The following VPS50 variants were observed in gnomAD, a reference collection of about 807,000 sequenced individuals.
VPS50 encodes VPS50 subunit of EARP/GARPII complex.
In VPS50, 70 loss-of-function variants were observed where a neutral mutation model predicts 139.7. The observed-to-expected ratio is 0.50, with a 90% CI of 0.41 to 0.61. VPS50 has a LOEUF of 0.61. Among genes scored for constraint, VPS50 ranks in the 20% least tolerant of loss-of-function variants. The probability of loss-of-function intolerance (pLI) is 0.00; values close to 1 mark genes in which losing one functional copy is unlikely to be tolerated. For missense variants in VPS50, 921 were observed against 1,133.7 expected (o/e 0.81, Z 2.69); for synonymous variants, 365 against 376.7 (o/e 0.97, Z 0.36).
chr7:93,337,004 T>A lies in VPS50; in HGVS notation c.2058+2807T>A, dbSNP rs1798085843. On this transcript the variant is annotated intron_variant, in intron 22 of 27. Transcript: ENST00000305866. ...AAAGGGTTATATCCTTTACTTATTG[T>A]ACTCCTATAAACTGAAACAGCCAGT... Among the ~76,000 whole-genome samples, 11 of 152,358 alleles carry A rather than the reference T, an allele frequency of 7.2e-5. No homozygotes were observed. In the South Asian group the frequency reaches 2.3e-3, roughly 32 times the overall value.
intron 3 of VPS50, 28 bp from the exon 4 acceptor site, chr7:93,253,832 C>A: frequency 7.5e-7 from 1 of 1,334,206 alleles, no homozygotes; most frequent in Non-Finnish European, 1.1e-6. Context: ...TTATTTTTTC[C>A]TCTTCTTTCA....
intron 8 of VPS50, among the ~76,000 whole-genome samples, chr7:93,259,184 T>C (rs1172271820): frequency 3.3e-5 from 5 of 152,006 alleles, no homozygotes; most frequent in African/African-American, 1.2e-4. Context: ...ATAGAATGCA[T>C]ACTATTTTGA....
intron 2 of VPS50, chr7:93,245,973 T>A: frequency 4.7e-6 from 3 of 644,376 alleles, no homozygotes; most frequent in Non-Finnish European, 8.2e-6. Context: ...AGAGATAAAA[T>A]CTATTTCTGT....
At chr7:93,247,700 G>T (rs754830303) in intron 2 of VPS50, among the ~76,000 whole-genome samples, 5 of 151,778 alleles carry the variant, frequency 3.3e-5, no homozygotes, top group Admixed American at 6.6e-5. Flanking sequence ...ACTCATTTTC[G>T]TTCCTGTATG....
At chr7:93,278,781 T>C (rs1266294464) in intron 12 of VPS50, among the ~76,000 whole-genome samples, 2 of 143,944 alleles carry the variant, frequency 1.4e-5, no homozygotes, top group Admixed American at 6.9e-5. Context: ...TGATAGTAGG[T>C]GATATATATA....
chr7:93,296,909 A>G, intron 15 of VPS50, 73 bp downstream of exon 15: 1 of 1,494,566 alleles, frequency 6.7e-7, no homozygotes, highest in Non-Finnish European at 8.8e-7. Flanking sequence ...CTAGTGAGTT[A>G]TCATCTATAA....
At chr7:93,286,994 T>G (rs768572263) in intron 12 of VPS50, among the ~76,000 whole-genome samples, 83 of 81,916 alleles carry the variant, frequency 1.0e-3, no homozygotes, top group Middle Eastern at 4.9e-3. Context: ...GAAAACGTTG[T>G]TTTTTTTTTT....
chr7:93,356,813 G>A (rs1798720806), intron 27 of VPS50, among the ~76,000 whole-genome samples: 1 of 152,046 alleles, frequency 6.6e-6, no homozygotes, highest in Non-Finnish European at 1.5e-5. Context: ...TGAATGTCAT[G>A]GGTAAAAGCT....
intron 18 of VPS50, among the ~76,000 whole-genome samples, chr7:93,307,388 C>G (rs1336082883): frequency 4.6e-5 from 7 of 151,826 alleles, no homozygotes; most frequent in African/African-American, 1.5e-4. Flanking sequence ...AAATCACCAA[C>G]AAAAAGCACA....
chr7:93,355,365 C>T (rs1036185509), intron 26 of VPS50, among the ~76,000 whole-genome samples: 2 of 152,054 alleles, frequency 1.3e-5, no homozygotes, highest in African/African-American at 4.8e-5. Context: ...CAGAATAGGT[C>T]TATAAGCTTT....
Position 93,294,455 on chromosome 7 carries a change from T to TA in VPS50, c.1076-89dup, listed in dbSNP as rs1235944295. 6.2e-6 allele frequency: 7 copies of TA among 1,124,640 alleles called. No individual in the cohort carries two copies. In the African/African-American group the frequency reaches 1.1e-4, roughly 18 times the overall value. The allele number at this position is 1,124,640 out of a possible 1,614,324, so 69.7% of individuals were successfully genotyped here. A position where few individuals can be genotyped will look rare whatever the true frequency, so the allele number is the denominator to read the frequency against. The stretch of plus-strand genomic sequence containing the variant: ...ATATTTACTGTATCTTACATAGACT[T>TA]ACAATGTGTGAGAGGCCAAATAGAA... On this transcript the variant is annotated intron_variant, in intron 13 of 27. Transcript: ENST00000305866.
chr7:93,337,446 G>A (rs560358599), intron 22 of VPS50, among the ~76,000 whole-genome samples: 1 of 152,172 alleles, frequency 6.6e-6, no homozygotes, highest in South Asian at 2.1e-4. Flanking sequence ...TTATTTTCTA[G>A]AGCCACCTCC....
In VPS50 at chr7:93,236,937, C is replaced by CTTTTTTTT. The variant is rs71107889; in HGVS notation, c.34-2904_34-2897dup. Among the ~76,000 whole-genome samples the CTTTTTTTT allele has an allele frequency of 8.4e-4, 26 of 31,066 alleles. 2 individuals carry two copies. The highest frequency in any genetic ancestry group is 1.1e-3 in the East Asian group (1 of 930). 20.4% of individuals were successfully genotyped at this position (31,066 alleles called of 152,430 possible). ...CTCACATACATGACCTCTTTTACTTCTTTTTTTTTTTTTTTTTTTTTTTTT... is the reference window on the plus strand; with the variant it reads ...CTCACATACATGACCTCTTTTACTTCTTTTTTTTTTTTTTTTTTTTTTTTTTTTTTTTT... On this transcript the variant is annotated intron_variant, in intron 1 of 27. Transcript: ENST00000305866.
intron 10 of VPS50, 52 bp from the exon 11 acceptor site, chr7:93,272,583 C>G: frequency 1.3e-6 from 1 of 743,824 alleles, no homozygotes; most frequent in East Asian, 2.9e-5. Flanking sequence ...TTCTCATTGC[C>G]TTGAAAACAT....
intron 16 of VPS50, among the ~76,000 whole-genome samples, chr7:93,299,662 A>G (rs1275071910): frequency 1.3e-5 from 2 of 152,132 alleles, no homozygotes; most frequent in South Asian, 2.1e-4. Flanking sequence ...AAATGTATTA[A>G]TGTTAGTTGT....
At chr7:93,285,434 AT>A (rs1289182775) in intron 12 of VPS50, among the ~76,000 whole-genome samples, 2 of 152,208 alleles carry the variant, frequency 1.3e-5, no homozygotes, top group Non-Finnish European at 2.9e-5. Flanking sequence ...ATTAAAGTAA[AT>A]TATAGAATAA....
At chr7:93,311,301 A>T (rs758899194) in intron 20 of VPS50, 29 bp downstream of exon 20, 2 of 875,334 alleles carry the variant, frequency 2.3e-6, no homozygotes, top group East Asian at 2.4e-5. Context: ...AAAAAAAATT[A>T]TAACAGTTAA....
At position 93,240,249 on chromosome 7, in the gene VPS50, A is replaced by ACACTCT. The variant is rs1412054767; in HGVS notation, c.102+316_102+317insACTCTC. Among the ~76,000 whole-genome samples, 81 of 109,374 alleles carry ACACTCT rather than the reference A, an allele frequency of 7.4e-4. No individual in the cohort carries two copies. In the East Asian group the frequency reaches 0.011, roughly 14 times the overall value. 71.8% of individuals were successfully genotyped at this position (109,374 alleles called of 152,430 possible). A position where few individuals can be genotyped will look rare whatever the true frequency, so the allele number is the denominator to read the frequency against. Reference sequence around the variant, plus strand: ...CACACACACACACACACACACACACACTCTCTCTCTCTCTCTCTCTCATTG... The same window carrying ACACTCT: ...CACACACACACACACACACACACACACACTCTCTCTCTCTCTCTCTCTCTCTCATTG... On this transcript the variant is annotated intron_variant, in intron 2 of 27. Transcript: ENST00000305866.
intron 5 of VPS50, 108 bp downstream of exon 5, chr7:93,256,670 A>G (rs1463293608): frequency 9.7e-6 from 6 of 621,690 alleles, no homozygotes; most frequent in East Asian, 3.2e-5. Context: ...CTGTAGCAGC[A>G]TATTGACTGT....
Sources: gnomAD v4.1 joint callset for allele counts (sites outside exome capture counted in the v4.1 genomes callset) on GRCh38, gnomAD v4.1.1 for gene constraint, MANE v1.5 for transcripts, NCBI Gene and HGNC (gene_info 2026-07-23, HGNC 2026-07-21) for gene names.